PPP1R17: variants seen among roughly 807,000 people sequenced by gnomAD.
The protein encoded by PPP1R17 is G-substrate.
A neutral mutation model predicts 15.9 loss-of-function variants in PPP1R17; 12 were observed. The observed-to-expected ratio is 0.75, with a 90% CI of 0.48 to 1.22. The LOEUF is 1.22. Ranked by LOEUF, PPP1R17 falls within the 50% of genes most tolerant of loss-of-function variation. The probability of loss-of-function intolerance (pLI) is 0.00; values close to 1 mark genes in which losing one functional copy is unlikely to be tolerated. For missense variants in PPP1R17, 211 were observed against 187.3 expected (o/e 1.13, Z -0.74); for synonymous variants, 63 against 64.5 (o/e 0.98, Z 0.11).
At position 31,687,309 on chromosome 7, in the gene PPP1R17, A is replaced by G. The variant is rs376131307; in HGVS notation, c.-37+3A>G. The G allele has an allele frequency of 6.6e-6, 1 of 152,208 alleles. No individual in the cohort carries two copies. Among genetic ancestry groups the G allele is most frequent in the African/African-American group, 2.4e-5 (1 of 41,440 alleles). 9.4% of individuals were successfully genotyped at this position (152,208 alleles called of 1,614,324 possible). Reference sequence around the variant, plus strand: ...CTTCCCTGCATCTGCGCTGATTGGTAAGTGCTTCAGATTTTTACTCCAAGA... The same window carrying G: ...CTTCCCTGCATCTGCGCTGATTGGTGAGTGCTTCAGATTTTTACTCCAAGA... On this transcript the variant is annotated splice_donor_region_variant and intron_variant, in intron 1 of 4. Coordinates refer to ENST00000342032, the MANE Select transcript of PPP1R17 (RefSeq NM_006658.5).
intron 4 of PPP1R17, 92 bp downstream of exon 4, chr7:31,697,209 C>A: frequency 6.7e-7 from 1 of 1,486,714 alleles, no homozygotes; most frequent in Non-Finnish European, 9.0e-7. Context: ...GGCCGTTGTC[C>A]TGCCCCAGCA....
chr7:31,687,625 T>C (rs1792159857), intron 1 of PPP1R17, among the ~76,000 whole-genome samples: 1 of 152,186 alleles, frequency 6.6e-6, no homozygotes, highest in South Asian at 2.1e-4. Flanking sequence ...GAAAGTATGC[T>C]TCTCAAAACA....
intron 1 of PPP1R17, among the ~76,000 whole-genome samples, chr7:31,690,873 T>C (rs190262098): frequency 6.6e-6 from 1 of 152,190 alleles, no homozygotes; most frequent in African/African-American, 2.4e-5. Flanking sequence ...GGAATGAATA[T>C]TTTCAACAGA....
rs1221347714 is a variant in PPP1R17, at chr7:31,708,155, G to A, written c.*872G>A. 1.3e-5 allele frequency: 2 copies of A among 152,132 alleles called. No individual in the cohort carries two copies. The highest frequency in any genetic ancestry group is 1.5e-5 in the Non-Finnish European group (1 of 68,026). The allele number at this position is 152,132 out of a possible 1,614,324, so 9.4% of individuals were successfully genotyped here. ...CTCTATTACACTTTCTTGGATGAGA[G>A]GGGAGAGTGTGGTGTTAGCTAGTGA... On this transcript the variant is annotated 3_prime_UTR_variant, in exon 5 of 5. Coordinates refer to ENST00000342032, the MANE Select transcript of PPP1R17 (RefSeq NM_006658.5).
At position 31,707,272 on chromosome 7, in the gene PPP1R17, A is replaced by C. The variant is rs759381505; in HGVS notation, c.457A>C (p.Ile153Leu). 1 of 1,613,710 alleles carries C rather than the reference A, an allele frequency of 6.2e-7. No individual in the cohort carries two copies. The part of the protein sequence containing the change: ...VEDDEKDGDK[I>L]AI ...AGATGACGAAAAGGATGGTGACAAG[A>C]TAGCTATTTAAAGATAGTTCCCCTG... The change falls in exon 5 of 5, where the codon ATA becomes CTA. Residue 153 changes from isoleucine (I) to leucine (L), a missense_variant. Coordinates refer to ENST00000342032, the MANE Select transcript of PPP1R17 (RefSeq NM_006658.5).
chr7:31,688,677 T>C (rs1014803501), intron 1 of PPP1R17, among the ~76,000 whole-genome samples: 8 of 152,220 alleles, frequency 5.3e-5, no homozygotes, highest in African/African-American at 1.7e-4. Context: ...AGTATCTCTC[T>C]GTAAAAAGAA....
chr7:31,698,254 A>T (rs1792693975), intron 4 of PPP1R17, among the ~76,000 whole-genome samples: 1 of 152,232 alleles, frequency 6.6e-6, no homozygotes. Context: ...CGACAGAAAC[A>T]GTCAGGGGCT....
intron 4 of PPP1R17, 139 bp from the exon 5 acceptor site, chr7:31,707,065 T>G (rs192196523): frequency 1.1e-4 from 74 of 667,910 alleles, no homozygotes; most frequent in Non-Finnish European, 1.5e-4. Context: ...CTTCTCTGGG[T>G]TGGTACTGTT....
chr7:31,695,261 A>G (rs1487982923), intron 2 of PPP1R17, among the ~76,000 whole-genome samples: 1 of 152,160 alleles, frequency 6.6e-6, no homozygotes, highest in African/African-American at 2.4e-5. Flanking sequence ...TTGGAGTTTT[A>G]CAGCATTCTA....
At chr7:31,692,848 A>G (rs1792415998) in intron 2 of PPP1R17, among the ~76,000 whole-genome samples, 1 of 152,224 alleles carries the variant, frequency 6.6e-6, no homozygotes, top group Non-Finnish European at 1.5e-5. Flanking sequence ...GTGTCAGTAC[A>G]GCTTGTTTCC....
intron 1 of PPP1R17, among the ~76,000 whole-genome samples, chr7:31,691,833 A>T (rs1351059287): frequency 6.6e-6 from 1 of 151,522 alleles, no homozygotes; most frequent in African/African-American, 2.4e-5. Flanking sequence ...CCAAGCAAAA[A>T]ACCCACAACA....
At position 31,707,379 on chromosome 7, in the gene PPP1R17, A is replaced by G; in HGVS notation, c.*96A>G. 1 of 1,073,688 alleles carries G rather than the reference A, an allele frequency of 9.3e-7. No homozygotes were observed. Among genetic ancestry groups the G allele is most frequent in the Non-Finnish European group, 1.3e-6 (1 of 742,954 alleles). The allele number at this position is 1,073,688 out of a possible 1,614,324, so 66.5% of individuals were successfully genotyped here. ...ACTTGTTTCTGCTCTCATTTTTGTC[A>G]TCGTCTGACTTGAAGATTCAGACAC... On this transcript the variant is annotated 3_prime_UTR_variant, in exon 5 of 5. Transcript: ENST00000342032.
At chr7:31,701,110 T>C (rs1243269258) in intron 4 of PPP1R17, among the ~76,000 whole-genome samples, 1 of 152,166 alleles carries the variant, frequency 6.6e-6, no homozygotes, top group Admixed American at 6.5e-5. Flanking sequence ...AGAGCTGCTA[T>C]AGATAGTGAT....
At chr7:31,691,172 G>A (rs1792325048) in intron 1 of PPP1R17, among the ~76,000 whole-genome samples, 1 of 152,180 alleles carries the variant, frequency 6.6e-6, no homozygotes, top group Admixed American at 6.5e-5. Flanking sequence ...TCTAAAAGCT[G>A]TGCTCAAGTG....
rs145916761 is a variant in PPP1R17, at chr7:31,703,968, C to T, written c.389-3236C>T. ...GGCCCTCATCGCAGTGACTGCATGG[C>T]AGAAAGCATTGGTTCTGACTAGTCA... On this transcript the variant is annotated intron_variant, in intron 4 of 4. Transcript: ENST00000342032. 1.1e-3 allele frequency among the ~76,000 whole-genome samples: 162 copies of T among 152,270 alleles called. 3 individuals are homozygous for T. In the East Asian group the frequency reaches 0.028, roughly 26 times the overall value.
intron 4 of PPP1R17, among the ~76,000 whole-genome samples, chr7:31,697,840 TAATA>T (rs1162014470): frequency 1.3e-5 from 2 of 152,210 alleles, no homozygotes; most frequent in African/African-American, 4.8e-5. Flanking sequence ...CTGACTAATA[TAATA>T]GAGAGGCTAT....
In PPP1R17 at chr7:31,708,199, T is replaced by C. The variant is rs1793148100; in HGVS notation, c.*916T>C. 6.6e-6 allele frequency: 1 copy of C among 152,208 alleles called. No individual in the cohort carries two copies. The highest frequency in any genetic ancestry group is 1.5e-5 in the Non-Finnish European group (1 of 68,036). 9.4% of individuals were successfully genotyped at this position (152,208 alleles called of 1,614,324 possible). A position where few individuals can be genotyped will look rare whatever the true frequency, so the allele number is the denominator to read the frequency against. On this transcript the variant is annotated 3_prime_UTR_variant, in exon 5 of 5. Transcript: ENST00000342032. ...CTAGTGAGCAGAGGTCTGTATATTG[T>C]CCTTGCCCCAGCCTGCAATCTGTGG...
At chr7:31,698,783 G>T (rs535462583) in intron 4 of PPP1R17, among the ~76,000 whole-genome samples, 154 of 152,314 alleles carry the variant, frequency 1.0e-3, no homozygotes, top group Admixed American at 2.3e-3. Context: ...GATAGAAATT[G>T]CTTCTTTAGA....
Position 31,707,742 on chromosome 7 carries a change from G to A in PPP1R17, c.*459G>A, listed in dbSNP as rs145155723. On this transcript the variant is annotated 3_prime_UTR_variant, in exon 5 of 5. Transcript: ENST00000342032. ...GAGAATGTTTGGACTCTAACTCACC[G>A]ATTGCTTTGCAGACAAAGGTCTTTT... 2.0e-3 allele frequency: 322 copies of A among 158,302 alleles called. No individual in the cohort carries two copies. The highest frequency in any genetic ancestry group is 7.3e-3 in the African/African-American group (305 of 41,610). 9.8% of individuals were successfully genotyped at this position (158,302 alleles called of 1,614,324 possible).
Sources: gnomAD v4.1 joint callset for allele counts (sites outside exome capture counted in the v4.1 genomes callset) on GRCh38, gnomAD v4.1.1 for gene constraint, MANE v1.5 for transcripts, NCBI Gene and HGNC (gene_info 2026-07-23, HGNC 2026-07-21) for gene names.